Variants in PARD3B observed in about 807,000 individuals in gnomAD.
PARD3B encodes partitioning defective 3 homolog B.
PARD3B carries 103 observed loss-of-function variants against 130.2 expected under a neutral mutation model. That is an observed-to-expected ratio of 0.79 (90% confidence interval 0.67 to 0.93). PARD3B has a LOEUF of 0.93. Among genes scored for constraint, PARD3B ranks in the 40% least tolerant of loss-of-function variants. The pLI, the probability that PARD3B is intolerant of heterozygous loss-of-function variation, is 0.00. For missense variants in PARD3B, 1,609 were observed against 1,499.2 expected, an observed-to-expected ratio of 1.07 and a Z score of -1.21; for synonymous variants, 583 against 553.2, an observed-to-expected ratio of 1.05 and a Z score of -0.76.
intron 18 of PARD3B, among the ~76,000 whole-genome samples, chr2:205,302,065 CTTTTTTTTTTTT>C (rs3048088): frequency 2.6e-5 from 2 of 77,780 alleles, no homozygotes; most frequent in African/African-American, 1.1e-4. Context: ...TTTTTCTTTT[CTTTTTTTTTTTT>C]TTTTTTTTTT....
At chr2:205,148,376 A>G (rs1374823219) in intron 10 of PARD3B, among the ~76,000 whole-genome samples, 1 of 152,134 alleles carries the variant, frequency 6.6e-6, no homozygotes, top group East Asian at 1.9e-4. Context: ...TCAGAAAAGT[A>G]CAATTGAAAA....
intron 1 of PARD3B, among the ~76,000 whole-genome samples, chr2:204,631,877 A>T (rs993769333): frequency 2.0e-5 from 3 of 152,132 alleles, no homozygotes; most frequent in African/African-American, 7.2e-5. Flanking sequence ...GTTTGGCTGG[A>T]TATGAAATTA....
At chr2:205,008,837 A>C (rs1695486726) in intron 3 of PARD3B, among the ~76,000 whole-genome samples, 1 of 152,200 alleles carries the variant, frequency 6.6e-6, no homozygotes, top group South Asian at 2.1e-4. Flanking sequence ...TGTGTCAAAG[A>C]GGCTAAGTGA....
At chr2:205,504,268 T>C (rs1308474475) in intron 21 of PARD3B, among the ~76,000 whole-genome samples, 1 of 152,122 alleles carries the variant, frequency 6.6e-6, no homozygotes, top group African/African-American at 2.4e-5. Flanking sequence ...ACTTAAATGT[T>C]AGTCCTAAAA....
intron 4 of PARD3B, among the ~76,000 whole-genome samples, chr2:205,070,013 C>G (rs535200555): frequency 1.3e-5 from 2 of 152,252 alleles, no homozygotes; most frequent in African/African-American, 4.8e-5. Context: ...TAGCAGAACA[C>G]CCTGGTCTCT....
intron 2 of PARD3B, among the ~76,000 whole-genome samples, chr2:204,733,135 G>C (rs1328992485): frequency 6.6e-6 from 1 of 151,400 alleles, no homozygotes; most frequent in Non-Finnish European, 1.5e-5. Context: ...CACTTGCACT[G>C]GTAAAATTTT....
intron 4 of PARD3B, among the ~76,000 whole-genome samples, chr2:205,066,434 A>C (rs1347426130): frequency 6.6e-6 from 1 of 152,178 alleles, no homozygotes; most frequent in East Asian, 1.9e-4. Flanking sequence ...AACCACAGAT[A>C]ATTCTTGTTA....
At chr2:205,111,321 A>G (rs374489697) in intron 5 of PARD3B, among the ~76,000 whole-genome samples, 8 of 152,168 alleles carry the variant, frequency 5.3e-5, no homozygotes, top group East Asian at 1.9e-4. Context: ...TATTGTGTGT[A>G]ATGGTAGAAT....
At chr2:205,100,167 A>G (rs1702665079) in intron 4 of PARD3B, among the ~76,000 whole-genome samples, 2 of 152,190 alleles carry the variant, frequency 1.3e-5, no homozygotes, top group Non-Finnish European at 2.9e-5. Context: ...GATTTGAGCC[A>G]GAAAGTATGT....
rs1045971497 is a variant in PARD3B, at chr2:205,119,039, T to C, written c.799T>C (p.Phe267Leu). Reference protein sequence around the residue: ...INNVDLVDKTFAQAQDVFRQA... With the variant: ...INNVDLVDKTLAQAQDVFRQA... The stretch of plus-strand genomic sequence containing the variant: ...CAATGTGGATCTCGTAGACAAAACC[T>C]TTGCTCAGTAAGCATTTTTTCATTG... The change falls in exon 7 of 23, where the codon TTT becomes CTT. Residue 267 changes from phenylalanine to leucine, a missense_variant. Phe to Leu is a conservative substitution (Grantham distance 22). Transcript: ENST00000406610. 1 of 1,600,064 alleles carries C rather than the reference T, an allele frequency of 6.2e-7. No homozygotes were observed. Among genetic ancestry groups the C allele is most frequent in the Non-Finnish European group, 8.5e-7 (1 of 1,175,458 alleles).
At chr2:205,483,727 G>A (rs2049329939) in intron 20 of PARD3B, among the ~76,000 whole-genome samples, 1 of 151,656 alleles carries the variant, frequency 6.6e-6, no homozygotes, top group Admixed American at 6.6e-5. Context: ...TATACAATAG[G>A]TATTCAGTTT....
At chr2:204,637,730 C>CTT (rs796534134) in intron 1 of PARD3B, among the ~76,000 whole-genome samples, 1 of 143,284 alleles carries the variant, frequency 7.0e-6, no homozygotes, top group African/African-American at 2.6e-5. Flanking sequence ...TTGGTTACAG[C>CTT]TTTTTTTTTT....
At chr2:204,609,487 T>G (rs955606512) in intron 1 of PARD3B, among the ~76,000 whole-genome samples, 1 of 152,142 alleles carries the variant, frequency 6.6e-6, no homozygotes, top group Non-Finnish European at 1.5e-5. Flanking sequence ...AATAATAAAT[T>G]AATATATGGA....
intron 22 of PARD3B, among the ~76,000 whole-genome samples, chr2:205,578,035 G>A (rs2053826284): frequency 6.6e-6 from 1 of 152,260 alleles, no homozygotes; most frequent in Non-Finnish European, 1.5e-5. Flanking sequence ...TCACTGGATT[G>A]GCTCTGTATC....
intron 1 of PARD3B, among the ~76,000 whole-genome samples, chr2:204,608,489 G>C (rs2033810029): frequency 6.6e-6 from 1 of 152,152 alleles, no homozygotes; most frequent in African/African-American, 2.4e-5. Context: ...CAAGCCAAAA[G>C]GAATTGTTCT....
chr2:205,415,440 C>T (rs1384406827), intron 19 of PARD3B, among the ~76,000 whole-genome samples: 1 of 152,180 alleles, frequency 6.6e-6, no homozygotes, highest in East Asian at 1.9e-4. Flanking sequence ...CTTGAGGAAA[C>T]ATAACTCATT....
At chr2:205,393,443 C>T (rs1199988445) in intron 18 of PARD3B, among the ~76,000 whole-genome samples, 4 of 152,170 alleles carry the variant, frequency 2.6e-5, no homozygotes, top group Admixed American at 1.3e-4. Flanking sequence ...CCACAGATGT[C>T]AGACTTTAAT....
chr2:205,011,018 T>C lies in PARD3B; in HGVS notation c.395-36563T>C, dbSNP rs1559353612. ...TTTAAGAAGGATCCCCTTAAAAAGC[T>C]GATTGCGGCTCTCTGGTGTATGGGG... On this transcript the variant is annotated intron_variant, in intron 3 of 22. Coordinates refer to ENST00000406610, the MANE Select transcript of PARD3B (RefSeq NM_001302769.2). The surrounding 1 kb of genome is among the most constrained non-coding windows in gnomAD (Gnocchi z 4.1). Among the ~76,000 whole-genome samples, 1 of 152,252 alleles carries C rather than the reference T, an allele frequency of 6.6e-6. No individual in the cohort carries two copies. Among genetic ancestry groups the C allele is most frequent in the Non-Finnish European group, 1.5e-5 (1 of 68,054 alleles).
intron 10 of PARD3B, among the ~76,000 whole-genome samples, chr2:205,127,316 G>GAAA (rs2031553142): frequency 1.4e-5 from 2 of 147,934 alleles, no homozygotes; most frequent in Non-Finnish European, 3.0e-5. Flanking sequence ...AAAAAAAAAG[G>GAAA]AAAAAGAAAA....
Sources: gnomAD v4.1 joint callset for allele counts (sites outside exome capture counted in the v4.1 genomes callset) on GRCh38, gnomAD v4.1.1 for gene constraint, Gnocchi (gnomAD v3.1) non-coding constraint, MANE v1.5 for transcripts, NCBI Gene and HGNC (gene_info 2026-07-23, HGNC 2026-07-21) for gene names.